PPP1R14B: variants seen among roughly 807,000 people sequenced by gnomAD.
The protein encoded by PPP1R14B is protein phosphatase 1 regulatory subunit 14B.
In PPP1R14B, 4 loss-of-function variants were observed where a neutral mutation model predicts 14.7. The ratio of observed to expected loss-of-function variants is 0.27; its 90% CI spans 0.13 to 0.62. PPP1R14B has a LOEUF of 0.62. Among genes scored for constraint, PPP1R14B ranks in the 20% least tolerant of loss-of-function variants. PPP1R14B has a pLI of 0.85. For synonymous variants in PPP1R14B, 76 were observed against 87.3 expected (o/e 0.87, Z 0.72); for missense variants, 138 against 201.5 (o/e 0.68, Z 1.91).
chr11:64,245,622 G>A, intron 1 of PPP1R14B: 1 of 297,554 alleles, frequency 3.4e-6, no homozygotes, highest in Non-Finnish European at 6.3e-6. Flanking sequence ...AGCACCGGTG[G>A]GTGCAGCTGT....
chr11:64,244,669 A>G lies in PPP1R14B; in HGVS notation c.*85T>C. 2 of 1,583,742 alleles carry G rather than the reference A, an allele frequency of 1.3e-6. No individual in the cohort carries two copies. The highest frequency in any genetic ancestry group is 2.3e-4 in the Middle Eastern group (1 of 4,356). On this transcript the variant is annotated 3_prime_UTR_variant, in exon 4 of 4. Coordinates refer to ENST00000309318, the MANE Select transcript of PPP1R14B (RefSeq NM_138689.3). ...TGCTCATGGCACCAGGCCTGGCCGCAGGGTCCCCCGGTATTGCTGTTGCTA... is the reference window on the plus strand; with the variant it reads ...TGCTCATGGCACCAGGCCTGGCCGCGGGGTCCCCCGGTATTGCTGTTGCTA...
In PPP1R14B at chr11:64,245,640, TATC is replaced by T. The variant is rs1204950655; in HGVS notation, c.259-356_259-354del. On this transcript the variant is annotated intron_variant, in intron 1 of 3. Coordinates refer to ENST00000309318, the MANE Select transcript of PPP1R14B (RefSeq NM_138689.3). ...ACCGGTGGGTGCAGCTGTCCCAGCTTATCATACCCCCCTCCCCTCCCCCAAACA... is the reference window on the plus strand; with the variant it reads ...ACCGGTGGGTGCAGCTGTCCCAGCTTATACCCCCCTCCCCTCCCCCAAACA... 2.4e-5 allele frequency: 6 copies of T among 248,730 alleles called. No individual in the cohort carries two copies. In the South Asian group the frequency reaches 4.7e-4, roughly 19 times the overall value. 15.4% of individuals were successfully genotyped at this position (248,730 alleles called of 1,614,324 possible). A position where few individuals can be genotyped will look rare whatever the true frequency, so the allele number is the denominator to read the frequency against.
chr11:64,246,265 T>G, intron 1 of PPP1R14B, 151 bp downstream of exon 1: 3 of 1,017,566 alleles, frequency 2.9e-6, no homozygotes, highest in African/African-American at 1.7e-5. Context: ...CAAGAAAGAG[T>G]ATATATTGGG....
intron 1 of PPP1R14B, 23 bp from the exon 2 acceptor site, chr11:64,245,310 G>C: frequency 6.3e-7 from 1 of 1,592,976 alleles, no homozygotes; most frequent in Non-Finnish European, 8.6e-7. Context: ...TGGGGGAGGA[G>C]GGAGAGACAT....
intron 2 of PPP1R14B, 80 bp downstream of exon 2, chr11:64,245,124 G>T: frequency 6.6e-7 from 1 of 1,524,036 alleles, no homozygotes. Flanking sequence ...GGCAGGAGCT[G>T]GGGCTTGAGG....
chr11:64,246,539 G>A lies in PPP1R14B; in HGVS notation c.135C>T (p.Asp45=), dbSNP rs1052602. ...GAAGEGPGGA[D]DEGPVRRQGK... ...CTTGGCGCCTCACTGGGCCCTCATC[G>A]TCCGCCCCGCCCGGGCCCTCTCCTG... Residue 45 remains aspartate (D), a synonymous_variant, in exon 1 of 4, where the codon GAC becomes GAT. Transcript: ENST00000309318. The A allele has an allele frequency of 1.2e-6, 2 of 1,609,216 alleles. No homozygotes were observed. Among genetic ancestry groups the A allele is most frequent in the African/African-American group, 1.3e-5 (1 of 74,872 alleles).
intron 1 of PPP1R14B, 103 bp downstream of exon 1, chr11:64,246,313 C>T (rs2030876507): frequency 6.8e-7 from 1 of 1,478,094 alleles, no homozygotes; most frequent in Admixed American, 2.1e-5. Context: ...CGCGGGGAAG[C>T]AAAGCGCCCT....
intron 1 of PPP1R14B, 23 bp downstream of exon 1, chr11:64,246,393 G>A: frequency 6.3e-7 from 1 of 1,596,394 alleles, no homozygotes; most frequent in African/African-American, 1.3e-5. Context: ...ATTTTGGGGT[G>A]TCGGCGCGGG....
At position 64,246,402 on chromosome 11, in the gene PPP1R14B, G is replaced by A. The variant is rs2030879152; in HGVS notation, c.258+14C>T. On this transcript the variant is annotated intron_variant, in intron 1 of 3. Coordinates refer to ENST00000309318, the MANE Select transcript of PPP1R14B (RefSeq NM_138689.3). ...AGACCGATTTTGGGGTGTCGGCGCG[G>A]GGTGGGAACACACCTGGCAGTCGTA... is the stretch of plus-strand genomic sequence containing the variant. 6.2e-7 allele frequency: 1 copy of A among 1,603,024 alleles called. No homozygotes were observed. Among genetic ancestry groups the A allele is most frequent in the Non-Finnish European group, 8.5e-7 (1 of 1,175,882 alleles).
In PPP1R14B at chr11:64,246,437, G is replaced by A; in HGVS notation, c.237C>T (p.Leu79=). The A allele has an allele frequency of 1.2e-6, 2 of 1,609,058 alleles. No homozygotes were observed. The highest frequency in any genetic ancestry group is 2.7e-5 in the African/African-American group (2 of 74,920). ...LNLEEWILEQ[L]TRLYDCQEEE... is the part of the protein sequence containing the mutation. ...ACACCTGGCAGTCGTAGAGGCGCGTGAGCTGCTCCAGGATCCACTCCTCTA... is the reference window on the plus strand; with the variant it reads ...ACACCTGGCAGTCGTAGAGGCGCGTAAGCTGCTCCAGGATCCACTCCTCTA... Residue 79 remains leucine (L), a synonymous_variant, in exon 1 of 4, where the codon CTC becomes CTT. Coordinates refer to ENST00000309318, the MANE Select transcript of PPP1R14B (RefSeq NM_138689.3).
At position 64,246,545 on chromosome 11, in the gene PPP1R14B, C is replaced by G. The variant is rs1063811; in HGVS notation, c.129G>C (p.Gly43=). Residue 43 remains glycine (G), a synonymous_variant, in exon 1 of 4, where the codon GGG becomes GGC. Coordinates refer to ENST00000309318, the MANE Select transcript of PPP1R14B (RefSeq NM_138689.3). ...PPGAAGEGPG[G]ADDEGPVRRQ... ...GCCTCACTGGGCCCTCATCGTCCGCCCCGCCCGGGCCCTCTCCTGCGGCCC... is the reference window on the plus strand; with the variant it reads ...GCCTCACTGGGCCCTCATCGTCCGCGCCGCCCGGGCCCTCTCCTGCGGCCC... 113 of 1,607,456 alleles carry G rather than the reference C, an allele frequency of 7.0e-5. 1 individual carries two copies. The South Asian group carries it at 1.1e-3, about 16-fold the overall frequency.
rs1050283411 is a variant in PPP1R14B at position 64,245,205 on chromosome 11, T to C, written c.341A>G (p.Lys114Arg). 4.3e-6 allele frequency: 7 copies of C among 1,613,178 alleles called. No homozygotes were observed. Among genetic ancestry groups the C allele is most frequent in the African/African-American group, 1.3e-5 (1 of 74,874 alleles). The change falls in exon 2 of 4, where the codon AAG becomes AGG. Residue 114 changes from lysine to arginine, a missense_variant and splice_region_variant. Transcript: ENST00000309318. ...ESDDARAARVKELLVDCYKPT... is the reference protein window; with the variant it reads ...ESDDARAARVRELLVDCYKPT... ...CCCATCGCCCCCCAGCCCCCTCACCTTGACCCTGGCAGCCCGGGCATCGTC... is the reference window on the plus strand; with the variant it reads ...CCCATCGCCCCCCAGCCCCCTCACCCTGACCCTGGCAGCCCGGGCATCGTC...
chr11:64,245,162 G>T, intron 2 of PPP1R14B, 42 bp downstream of exon 2: 1 of 1,596,612 alleles, frequency 6.3e-7, no homozygotes, highest in Non-Finnish European at 8.6e-7. Context: ...CACTTTCCCG[G>T]GGCAGTGCCT....
intron 1 of PPP1R14B, 168 bp downstream of exon 1, chr11:64,246,248 G>C (rs1160548690): frequency 3.3e-6 from 3 of 912,908 alleles, no homozygotes; most frequent in African/African-American, 1.7e-5. Flanking sequence ...AAGTGACTTA[G>C]GTCAGGCAAG....
At chr11:64,244,900 C>G in intron 3 of PPP1R14B, 30 bp downstream of exon 3, 1 of 1,610,800 alleles carries the variant, frequency 6.2e-7, no homozygotes, top group East Asian at 2.2e-5. Flanking sequence ...CACCCTGCCA[C>G]CCCCGCCAGC....
At chr11:64,246,376 G>C in intron 1 of PPP1R14B, 40 bp downstream of exon 1, 1 of 1,579,442 alleles carries the variant, frequency 6.3e-7, no homozygotes, top group Non-Finnish European at 8.6e-7. Context: ...GGACCGGCGC[G>C]AGACCGATTT....
rs1346208248 is a variant in PPP1R14B at position 64,246,789 on chromosome 11, G to A, written c.-116C>T. The A allele has an allele frequency of 3.2e-6, 3 of 924,414 alleles. No homozygotes were observed. Among genetic ancestry groups the A allele is most frequent in the Admixed American group, 1.3e-4 (2 of 15,844 alleles). 57.3% of individuals were successfully genotyped at this position (924,414 alleles called of 1,614,324 possible). A position where few individuals can be genotyped will look rare whatever the true frequency, so the allele number is the denominator to read the frequency against. The stretch of plus-strand genomic sequence containing the variant: ...GCTCCGCTCCGCGCGGCTCCGCGGC[G>A]AGGGCGGCGGCGGGGGCGCCCGGGG... On this transcript the variant is annotated 5_prime_UTR_variant, in exon 1 of 4. Coordinates refer to ENST00000309318, the MANE Select transcript of PPP1R14B (RefSeq NM_138689.3).
Position 64,246,740 on chromosome 11 carries a change from C to T in PPP1R14B, c.-67G>A. On this transcript the variant is annotated 5_prime_UTR_variant, in exon 1 of 4. Coordinates refer to ENST00000309318, the MANE Select transcript of PPP1R14B (RefSeq NM_138689.3). ...GCGCCACCGCCTCCGGGACGCCCGC[C>T]GGCTGGCTCGGGTTAGCTCGCCGGC... 1 of 992,262 alleles carries T rather than the reference C, an allele frequency of 1.0e-6. No homozygotes were observed. Among genetic ancestry groups the T allele is most frequent in the Non-Finnish European group, 1.2e-6 (1 of 836,062 alleles). The allele number at this position is 992,262 out of a possible 1,614,324, so 61.5% of individuals were successfully genotyped here.
Position 64,244,766 on chromosome 11 carries a change from G to C in PPP1R14B, c.432C>G (p.Pro144=), listed in dbSNP as rs1361921181. The change falls in exon 4 of 4, where the codon CCC becomes CCG. Residue 144 remains proline (P), a synonymous_variant. Transcript: ENST00000309318. The part of the protein sequence containing the change: ...KIRGMQKLST[P]QKK ...GGGTCGGGGACCGTCACTTCTTCTG[G>C]GGTGTGCTCAGCTTCTGCATGCCCC... The C allele has an allele frequency of 2.5e-6, 4 of 1,613,554 alleles. No homozygotes were observed. The highest frequency in any genetic ancestry group is 1.7e-4 in the Middle Eastern group (1 of 5,816).
Sources: allele counts gnomAD v4.1 joint callset, GRCh38; gene constraint gnomAD v4.1.1; transcripts MANE v1.5; gene names NCBI Gene and HGNC (gene_info 2026-07-23, HGNC 2026-07-21).